CIRSR: variants seen among roughly 807,000 people sequenced by gnomAD.
CIRSR encodes the protein corepressor of RBPJ and splicing regulator.
the CIRSR span, among the ~76,000 whole-genome samples, chr2:174,383,790 G>C: frequency 7.3e-6 from 1 of 136,420 alleles, no homozygotes; most frequent in East Asian, 2.0e-4. Context: ...AGTTATTAGG[G>C]AAATGCAAAT....
chr2:174,388,828 C>T, the CIRSR span, among the ~76,000 whole-genome samples: 1 of 152,026 alleles, frequency 6.6e-6, no homozygotes, highest in Non-Finnish European at 1.5e-5. Context: ...GGGAGGGACC[C>T]GGTGGGATGT....
the CIRSR span, among the ~76,000 whole-genome samples, chr2:174,362,685 TCAAA>T: frequency 3.0e-3 from 252 of 83,968 alleles, 50 homozygotes; most frequent in Admixed American, 4.6e-3. Context: ...AGACTCTGCC[TCAAA>T]AAAAAAAAAA....
chr2:174,354,663 ATATATAT>A, the CIRSR span, among the ~76,000 whole-genome samples: 1 of 92,186 alleles, frequency 1.1e-5, no homozygotes, highest in East Asian at 2.5e-4. Context: ...ATATTATATA[ATATATAT>A]TATATATTTT....
the CIRSR span, among the ~76,000 whole-genome samples, chr2:174,378,161 A>G: frequency 6.6e-6 from 1 of 152,186 alleles, no homozygotes; most frequent in Non-Finnish European, 1.5e-5. Context: ...ATTTCTTAAA[A>G]GAAAAAAAAA....
the CIRSR span, chr2:174,351,636 C>T: frequency 1.1e-5 from 18 of 1,612,672 alleles, no homozygotes; most frequent in Admixed American, 8.4e-5. Flanking sequence ...GGATCATTTG[C>T]GGTCAAGTTT....
the CIRSR span, among the ~76,000 whole-genome samples, chr2:174,373,009 G>A: frequency 1.3e-5 from 2 of 152,204 alleles, no homozygotes; most frequent in Non-Finnish European, 2.9e-5. Flanking sequence ...ACAGAAAAAT[G>A]TACTTTGCTC....
At chr2:174,350,667 G>T in the CIRSR span, 1 of 1,597,208 alleles carries the variant, frequency 6.3e-7, no homozygotes, top group East Asian at 2.2e-5. Flanking sequence ...TACCTGAGAA[G>T]TTTCTGTTTT....
At chr2:174,391,264 G>T in the CIRSR span, among the ~76,000 whole-genome samples, 1 of 152,140 alleles carries the variant, frequency 6.6e-6, no homozygotes, top group South Asian at 2.1e-4. Flanking sequence ...AGATATAACT[G>T]GCAGAGAGAA....
At chr2:174,368,932 A>C in the CIRSR span, among the ~76,000 whole-genome samples, 1 of 152,196 alleles carries the variant, frequency 6.6e-6, no homozygotes, top group African/African-American at 2.4e-5. Context: ...CATAATTCTT[A>C]AGGGCCCCAG....
the CIRSR span, among the ~76,000 whole-genome samples, chr2:174,350,067 T>A: frequency 6.6e-6 from 1 of 152,204 alleles, no homozygotes; most frequent in Admixed American, 6.5e-5. Context: ...ACATTCTGAA[T>A]TTCTAGAGTA....
At chr2:174,362,685 TCAAAAAAAAA>T in the CIRSR span, among the ~76,000 whole-genome samples, 2 of 83,994 alleles carry the variant, frequency 2.4e-5, no homozygotes, top group Non-Finnish European at 3.9e-5. Context: ...AGACTCTGCC[TCAAAAAAAAA>T]AAAAAAAAAA....
chr2:174,371,510 A>C, the CIRSR span, among the ~76,000 whole-genome samples: 33 of 152,384 alleles, frequency 2.2e-4, no homozygotes, highest in South Asian at 6.4e-3. Flanking sequence ...ACTGAAGCTT[A>C]CAAGTTTTAC....
the CIRSR span, among the ~76,000 whole-genome samples, chr2:174,390,838 C>T: frequency 6.6e-6 from 1 of 152,142 alleles, no homozygotes; most frequent in African/African-American, 2.4e-5. Context: ...GGCATTTCTC[C>T]TTGCTGTCAC....
chr2:174,389,473 T>A, the CIRSR span, among the ~76,000 whole-genome samples: 24 of 151,942 alleles, frequency 1.6e-4, no homozygotes, highest in African/African-American at 5.8e-4. Flanking sequence ...ACTTAAGGTA[T>A]CCGGTAGAAG....
At chr2:174,379,327 G>A in the CIRSR span, among the ~76,000 whole-genome samples, 2 of 152,190 alleles carry the variant, frequency 1.3e-5, no homozygotes, top group Non-Finnish European at 2.9e-5. Flanking sequence ...AGGGCGTTAT[G>A]TGAAGAATTT....
At chr2:174,353,434 A>C in the CIRSR span, among the ~76,000 whole-genome samples, 2 of 152,208 alleles carry the variant, frequency 1.3e-5, no homozygotes. Flanking sequence ...GGTTGCCTCT[A>C]AATGGCATAG....
At chr2:174,374,791 T>C in the CIRSR span, among the ~76,000 whole-genome samples, 1 of 152,232 alleles carries the variant, frequency 6.6e-6, no homozygotes, top group African/African-American at 2.4e-5. Context: ...TTGCCTAAGA[T>C]GCTCAATACT....
chr2:174,378,803 C>G, the CIRSR span: 1 of 772,926 alleles, frequency 1.3e-6, no homozygotes, highest in Admixed American at 2.0e-5. Context: ...TAGTCAAAAA[C>G]AAACAAACAA....
chr2:174,370,009 C>T, the CIRSR span: 1 of 1,365,246 alleles, frequency 7.3e-7, no homozygotes, highest in South Asian at 1.1e-5. Flanking sequence ...ATTTGTAACA[C>T]AGCATCTGCA....
Sources: allele counts gnomAD v4.1 joint callset (sites outside exome capture counted in the v4.1 genomes callset), GRCh38; gene constraint gnomAD v4.1.1; transcripts MANE v1.5; gene names NCBI Gene and HGNC (gene_info 2026-07-23, HGNC 2026-07-21).